SNTB1: variants seen among roughly 807,000 people sequenced by gnomAD.
SNTB1 encodes syntrophin beta 1, also known as beta-1-syntrophin.
SNTB1 carries 36 observed loss-of-function variants against 48.9 expected under a neutral mutation model. The ratio of observed to expected loss-of-function variants is 0.74; its 90% CI spans 0.56 to 0.97. SNTB1 has a LOEUF of 0.97. Among genes scored for constraint, SNTB1 ranks in the 50% least tolerant of loss-of-function variants. The pLI is 0.00. For missense variants in SNTB1, 786 were observed against 703.4 expected (o/e 1.12, Z -1.33); for synonymous variants, 299 against 294.6 (o/e 1.01, Z -0.15).
intron 1 of SNTB1, among the ~76,000 whole-genome samples, chr8:120,708,484 G>T (rs1818413658): frequency 6.6e-6 from 1 of 151,840 alleles, no homozygotes; most frequent in South Asian, 2.1e-4. Context: ...AATAACAAAA[G>T]AAGTCATGGA....
chr8:120,772,285 G>T (rs985649108), intron 1 of SNTB1, among the ~76,000 whole-genome samples: 2 of 150,248 alleles, frequency 1.3e-5, no homozygotes, highest in South Asian at 4.2e-4. Context: ...TCACTATGCC[G>T]CCTAGGCTGG....
intron 1 of SNTB1, among the ~76,000 whole-genome samples, chr8:120,704,955 T>A (rs889455224): frequency 2.6e-5 from 4 of 152,194 alleles, no homozygotes; most frequent in African/African-American, 9.7e-5. Context: ...ATGATTCCCA[T>A]AAGAAAGTAA....
chr8:120,599,791 T>C (rs1344158004), intron 3 of SNTB1, among the ~76,000 whole-genome samples: 1 of 152,238 alleles, frequency 6.6e-6, no homozygotes, highest in Non-Finnish European at 1.5e-5. Context: ...TAAGTGCTTT[T>C]CTCTTTGCAA....
chr8:120,730,175 T>C (rs1818828515), intron 1 of SNTB1, among the ~76,000 whole-genome samples: 1 of 152,196 alleles, frequency 6.6e-6, no homozygotes, highest in African/African-American at 2.4e-5. Context: ...GATTATTTTT[T>C]TGAGACAGAG....
chr8:120,638,570 C>T (rs375159931), intron 2 of SNTB1, among the ~76,000 whole-genome samples: 84 of 152,184 alleles, frequency 5.5e-4, no homozygotes, highest in African/African-American at 1.5e-3. Context: ...CCTCACCCCA[C>T]GACAGGCCCC....
intron 3 of SNTB1, among the ~76,000 whole-genome samples, chr8:120,606,407 ATATGTG>A (rs1318101813): frequency 3.2e-5 from 2 of 63,274 alleles, no homozygotes; most frequent in African/African-American, 5.0e-5. Context: ...GTGTGTGTAT[ATATGTG>A]TGTGTGTGTG....
intron 3 of SNTB1, among the ~76,000 whole-genome samples, chr8:120,624,779 G>A (rs1345824458): frequency 6.6e-6 from 1 of 152,130 alleles, no homozygotes; most frequent in African/African-American, 2.4e-5. Flanking sequence ...CCCTCCAGCT[G>A]TGAGTCTGTG....
At chr8:120,723,348 G>A (rs1279850880) in intron 1 of SNTB1, among the ~76,000 whole-genome samples, 2 of 152,002 alleles carry the variant, frequency 1.3e-5, no homozygotes, top group Non-Finnish European at 2.9e-5. Context: ...TACTACATAC[G>A]ATTTATACTT....
At chr8:120,684,708 G>A in intron 2 of SNTB1, among the ~76,000 whole-genome samples, 1 of 150,776 alleles carries the variant, frequency 6.6e-6, no homozygotes, top group Non-Finnish European at 1.5e-5. Context: ...AGGCTGGAGT[G>A]CAATGGCATG....
chr8:120,650,454 T>C lies in SNTB1; in HGVS notation c.789-17803A>G, dbSNP rs201958213. ...GAGTAATTAAAAGAATTCAGCAACCTACCTTCCCCCTTTTTTTCCCTCACC... is the reference window on the plus strand; with the variant it reads ...GAGTAATTAAAAGAATTCAGCAACCCACCTTCCCCCTTTTTTTCCCTCACC... On this transcript the variant is annotated intron_variant, in intron 2 of 6. Coordinates refer to ENST00000517992, the MANE Select transcript of SNTB1 (RefSeq NM_021021.4). Among the ~76,000 whole-genome samples the C allele has an allele frequency of 7.2e-5, 11 of 152,278 alleles. No individual in the cohort carries two copies. The East Asian group carries it at 1.9e-3, about 27-fold the overall frequency.
At chr8:120,714,229 G>C (rs1297508341) in intron 1 of SNTB1, among the ~76,000 whole-genome samples, 1 of 152,128 alleles carries the variant, frequency 6.6e-6, no homozygotes, top group Non-Finnish European at 1.5e-5. Flanking sequence ...GCCCACCACA[G>C]AGACAGAACC....
chr8:120,632,181 T>C (rs1816992811), intron 3 of SNTB1, among the ~76,000 whole-genome samples: 1 of 152,212 alleles, frequency 6.6e-6, no homozygotes, highest in South Asian at 2.1e-4. Context: ...GATCAAACTA[T>C]TCCTCGACTC....
At chr8:120,646,483 A>G (rs28859967) in intron 2 of SNTB1, among the ~76,000 whole-genome samples, 3,130 of 148,470 alleles carry the variant, frequency 0.021, 103 homozygotes, top group African/African-American at 0.074. Flanking sequence ...ATTTGCATAT[A>G]TTGAACCAGC....
At chr8:120,652,505 G>T (rs961850656) in intron 2 of SNTB1, among the ~76,000 whole-genome samples, 5 of 151,942 alleles carry the variant, frequency 3.3e-5, no homozygotes, top group Admixed American at 6.6e-5. Context: ...GAGAGGGAAG[G>T]ACTTGGTCTG....
intron 1 of SNTB1, among the ~76,000 whole-genome samples, chr8:120,774,736 C>A (rs1223163237): frequency 6.6e-6 from 1 of 152,140 alleles, no homozygotes; most frequent in Non-Finnish European, 1.5e-5. Context: ...CTCACTGTGA[C>A]CTCTGCCTCT....
intron 2 of SNTB1, among the ~76,000 whole-genome samples, chr8:120,656,145 A>G (rs1317711328): frequency 6.6e-6 from 1 of 152,178 alleles, no homozygotes; most frequent in Non-Finnish European, 1.5e-5. Flanking sequence ...TCAGCTAAGA[A>G]TGTGGATTTA....
chr8:120,557,564 C>T (rs1216665874), intron 4 of SNTB1, among the ~76,000 whole-genome samples: 3 of 152,192 alleles, frequency 2.0e-5, no homozygotes, highest in African/African-American at 7.2e-5. Context: ...TCTACTGGAG[C>T]TCAAGACCAT....
At chr8:120,730,990 A>C (rs1818841062) in intron 1 of SNTB1, among the ~76,000 whole-genome samples, 1 of 152,048 alleles carries the variant, frequency 6.6e-6, no homozygotes, top group African/African-American at 2.4e-5. Flanking sequence ...GTGTGGTGGC[A>C]AGCACCTGTA....
chr8:120,656,662 C>T (rs1412112328), intron 2 of SNTB1, among the ~76,000 whole-genome samples: 1 of 152,162 alleles, frequency 6.6e-6, no homozygotes, highest in African/African-American at 2.4e-5. Flanking sequence ...ATCCTACAGC[C>T]CAATCTAGAT....
Sources: allele counts gnomAD v4.1 joint callset (sites outside exome capture counted in the v4.1 genomes callset), GRCh38; gene constraint gnomAD v4.1.1; transcripts MANE v1.5; gene names NCBI Gene and HGNC (gene_info 2026-07-23, HGNC 2026-07-21).